FITM1: variants seen among roughly 807,000 people sequenced by gnomAD.
FITM1 encodes the protein fat storage inducing transmembrane protein 1, also known as fat storage-inducing transmembrane protein 1.
Under a neutral mutation model 22.2 loss-of-function variants are expected in FITM1, and 11 were observed. That is an observed-to-expected ratio of 0.50 (90% confidence interval 0.31 to 0.82). The LOEUF (loss-of-function observed/expected upper bound fraction) is 0.82, where lower values mean the gene tolerates loss of function less well. FITM1 is among the 40% of genes least tolerant of loss of function. FITM1 has a pLI of 0.04. For missense variants in FITM1, 394 were observed against 386.4 expected, an observed-to-expected ratio of 1.02 and a Z score of -0.17; for synonymous variants, 164 against 174.0, an observed-to-expected ratio of 0.94 and a Z score of 0.45.
chr14:24,132,747 A>T lies in FITM1; in HGVS notation c.803A>T (p.Tyr268Phe). Reference protein sequence around the residue: ...FAWYLTYGSWYHQPWSPGSPG... With the variant: ...FAWYLTYGSWFHQPWSPGSPG... ...TGGTACCTCACCTATGGCAGCTGGTATCATCAGCCCTGGTCTCCAGGGAGC... is the reference window on the plus strand; with the variant it reads ...TGGTACCTCACCTATGGCAGCTGGTTTCATCAGCCCTGGTCTCCAGGGAGC... The change falls in exon 2 of 2, where the codon TAT becomes TTT. Residue 268 changes from tyrosine (Y) to phenylalanine (F), a missense_variant. Tyr to Phe is a conservative substitution (Grantham distance 22, BLOSUM62 3). Transcript: ENST00000267426. 1 of 1,613,824 alleles carries T rather than the reference A, an allele frequency of 6.2e-7. No individual in the cohort carries two copies. Among genetic ancestry groups the T allele is most frequent in the Non-Finnish European group, 8.5e-7 (1 of 1,179,950 alleles).
rs572645994 is a variant in FITM1, at chr14:24,131,361, G to A, written c.-203G>A. On this transcript the variant is annotated 5_prime_UTR_variant, in exon 1 of 2. Coordinates refer to ENST00000267426, the MANE Select transcript of FITM1 (RefSeq NM_203402.3). ...TCAGGACACATACTACCACACACCC[G>A]AGGCCAGGACCCTGCTGACGTGGCA... 2.9e-5 allele frequency: 20 copies of A among 697,516 alleles called. No individual in the cohort carries two copies. The highest frequency in any genetic ancestry group is 7.0e-5 in the African/African-American group (4 of 57,244). 43.2% of individuals were successfully genotyped at this position (697,516 alleles called of 1,614,324 possible).
chr14:24,132,290 C>A lies in FITM1; in HGVS notation c.346C>A (p.Arg116=). Residue 116 remains arginine, a synonymous_variant, in exon 2 of 2, where the codon CGG becomes AGG. Coordinates refer to ENST00000267426, the MANE Select transcript of FITM1 (RefSeq NM_203402.3). ...GTTGCTGGTGGTGTTCCTGGCTACA[C>A]GGCGCGTGGCAGTAACTGCCAGACA... The part of the protein sequence containing the change: ...FVLLVVFLAT[R]RVAVTARHLS... 6.2e-7 allele frequency: 1 copy of A among 1,613,792 alleles called. No homozygotes were observed. The highest frequency in any genetic ancestry group is 8.5e-7 in the Non-Finnish European group (1 of 1,179,876).
At position 24,132,830 on chromosome 14, in the gene FITM1, T is replaced by G. The variant is rs763653375; in HGVS notation, c.*7T>G. ...CAGCCGCAAGCATAACTGAAAGAAA[T>G]AAAAACCATCGGGCCTGGCTGTGGC... On this transcript the variant is annotated 3_prime_UTR_variant, in exon 2 of 2. Transcript: ENST00000267426. 1.9e-6 allele frequency: 3 copies of G among 1,601,054 alleles called. No individual in the cohort carries two copies. Among genetic ancestry groups the G allele is most frequent in the East Asian group, 2.2e-5 (1 of 44,836 alleles).
chr14:24,131,570 C>T lies in FITM1; in HGVS notation c.7C>T (p.Arg3Trp), dbSNP rs533629237. The change falls in exon 1 of 2, where the codon CGG (arginine) becomes TGG (tryptophan). Residue 3 changes from arginine to tryptophan, a missense_variant. Arg to Trp is a moderately radical substitution (Grantham distance 101, BLOSUM62 -3). Transcript: ENST00000267426. MERGPVVGAGLGA... is the reference protein window; with the variant it reads MEWGPVVGAGLGA... Reference sequence around the variant, plus strand: ...AGTGGGGAGGGGAGGGAACATGGAGCGGGGGCCGGTGGTGGGGGCAGGACT... The same window carrying T: ...AGTGGGGAGGGGAGGGAACATGGAGTGGGGGCCGGTGGTGGGGGCAGGACT... 68 of 1,284,878 alleles carry T rather than the reference C, an allele frequency of 5.3e-5. No individual in the cohort carries two copies. The highest frequency in any genetic ancestry group is 2.0e-4 in the Middle Eastern group (1 of 5,048). The allele number at this position is 1,284,878 out of a possible 1,614,324, so 79.6% of individuals were successfully genotyped here. A position where few individuals can be genotyped will look rare whatever the true frequency, so the allele number is the denominator to read the frequency against.
rs545672463 is a variant in FITM1 at position 24,131,153 on chromosome 14, G to A, written c.-411G>A. On this transcript the variant is annotated 5_prime_UTR_variant, in exon 1 of 2. Coordinates refer to ENST00000267426, the MANE Select transcript of FITM1 (RefSeq NM_203402.3). Reference sequence around the variant, plus strand: ...TTTTAAAAAACGACTTTCAAGGTTTGGTTATTTTTATCTCCATGACCTCTG... The same window carrying A: ...TTTTAAAAAACGACTTTCAAGGTTTAGTTATTTTTATCTCCATGACCTCTG... 5.7e-6 allele frequency: 3 copies of A among 528,180 alleles called. No homozygotes were observed. The highest frequency in any genetic ancestry group is 7.1e-5 in the Admixed American group (2 of 28,014). The allele number at this position is 528,180 out of a possible 1,614,324, so 32.7% of individuals were successfully genotyped here.
At position 24,132,594 on chromosome 14, in the gene FITM1, C is replaced by G; in HGVS notation, c.650C>G (p.Pro217Arg). The G allele has an allele frequency of 6.2e-7, 1 of 1,611,078 alleles. No homozygotes were observed. The highest frequency in any genetic ancestry group is 8.5e-7 in the Non-Finnish European group (1 of 1,180,028). ...GCCCATGGGCTTCCTGCCGGCGCCC[C>G]ACTGCGCCTTGTCTTCCTGCTGAAC... ...YLAHGLPAGA[P>R]LRLVFLLNVL... is the part of the protein sequence containing the mutation. The change falls in exon 2 of 2, where the codon CCA becomes CGA. Residue 217 changes from proline (P) to arginine (R), a missense_variant. Physicochemically the swap from Pro to Arg is moderately radical, Grantham distance 103 (BLOSUM62 -2). Transcript: ENST00000267426.
At chr14:24,131,961 G>C in intron 1 of FITM1, 132 bp downstream of exon 1, 1 of 1,382,852 alleles carries the variant, frequency 7.2e-7, no homozygotes, top group South Asian at 1.5e-5. Context: ...GGTCGGGGGA[G>C]GGGGAAGGGA....
rs759885341 is a variant in FITM1 at position 24,132,697 on chromosome 14, G to A, written c.753G>A (p.Val251=). 1.7e-5 allele frequency: 28 copies of A among 1,613,968 alleles called. 1 individual carries two copies. The Middle Eastern group carries it at 8.2e-4, about 48-fold the overall frequency. ...TCCACCAGTACACTCACAAGGTGGT[G>A]GGCGCCGCAGTGGGCACCTTTGCCT... The part of the protein sequence containing the change: ...IYFHQYTHKV[V]GAAVGTFAWY... Residue 251 remains valine, a synonymous_variant, in exon 2 of 2, where the codon GTG becomes GTA. Transcript: ENST00000267426.
chr14:24,132,703 C>T lies in FITM1; in HGVS notation c.759C>T (p.Ala253=), dbSNP rs148679814. Residue 253 remains alanine, a synonymous_variant, in exon 2 of 2, where the codon GCC becomes GCT. Transcript: ENST00000267426. ...AGTACACTCACAAGGTGGTGGGCGC[C>T]GCAGTGGGCACCTTTGCCTGGTACC... ...FHQYTHKVVG[A]AVGTFAWYLT... 3,382 of 1,613,932 alleles carry T rather than the reference C, an allele frequency of 2.1e-3. 56 individuals carry two copies. In the African/African-American group the frequency reaches 0.041, roughly 20 times the overall value.
In FITM1 at chr14:24,131,203, A is replaced by C. The variant is rs931081468; in HGVS notation, c.-361A>C. The C allele has an allele frequency of 1.8e-6, 1 of 548,256 alleles. No individual in the cohort carries two copies. Among genetic ancestry groups the C allele is most frequent in the African/African-American group, 1.9e-5 (1 of 52,518 alleles). 34.0% of individuals were successfully genotyped at this position (548,256 alleles called of 1,614,324 possible). A position where few individuals can be genotyped will look rare whatever the true frequency, so the allele number is the denominator to read the frequency against. ...GATTTCCCTGTGGAGCAAATGGTAA[A>C]GTAGGGGTGGGTGGAGAGGGACTTT... On this transcript the variant is annotated 5_prime_UTR_variant, in exon 1 of 2. Coordinates refer to ENST00000267426, the MANE Select transcript of FITM1 (RefSeq NM_203402.3).
rs2139034686 is a variant in FITM1, at chr14:24,131,595, T to C, written c.32T>C (p.Leu11Pro). Reference protein sequence around the residue: MERGPVVGAGLGAGARIQALL... With the variant: MERGPVVGAGPGAGARIQALL... ...CGGGGGCCGGTGGTGGGGGCAGGAC[T>C]GGGGGCCGGGGCCCGAATCCAGGCA... Residue 11 changes from leucine to proline, a missense_variant, in exon 1 of 2, where the codon CTG becomes CCG. Physicochemically the swap from Leu to Pro is moderately conservative, Grantham distance 98 (BLOSUM62 -3). Coordinates refer to ENST00000267426, the MANE Select transcript of FITM1 (RefSeq NM_203402.3). 1 of 1,438,980 alleles carries C rather than the reference T, an allele frequency of 6.9e-7. No individual in the cohort carries two copies. The highest frequency in any genetic ancestry group is 9.7e-7 in the Non-Finnish European group (1 of 1,030,534). The allele number at this position is 1,438,980 out of a possible 1,614,324, so 89.1% of individuals were successfully genotyped here.
rs759899151 is a variant in FITM1 at position 24,131,448 on chromosome 14, G to C, written c.-116G>C. On this transcript the variant is annotated 5_prime_UTR_variant, in exon 1 of 2. Transcript: ENST00000267426. The stretch of plus-strand genomic sequence containing the variant: ...CTCCCCCACCTGCCAGCTGCCAACA[G>C]GGCTCTGCCTTGTGTCTGCCACACC... 12 of 1,057,264 alleles carry C rather than the reference G, an allele frequency of 1.1e-5. No individual in the cohort carries two copies. Among genetic ancestry groups the C allele is most frequent in the Non-Finnish European group, 1.7e-5 (12 of 709,320 alleles). The allele number at this position is 1,057,264 out of a possible 1,614,324, so 65.5% of individuals were successfully genotyped here. A position where few individuals can be genotyped will look rare whatever the true frequency, so the allele number is the denominator to read the frequency against.
Position 24,131,172 on chromosome 14 carries a change from A to T in FITM1, c.-392A>T. 1.9e-6 allele frequency: 1 copy of T among 537,296 alleles called. No homozygotes were observed. Among genetic ancestry groups the T allele is most frequent in the Non-Finnish European group, 3.3e-6 (1 of 303,492 alleles). The allele number at this position is 537,296 out of a possible 1,614,324, so 33.3% of individuals were successfully genotyped here. ...AGGTTTGGTTATTTTTATCTCCATG[A>T]CCTCTGATTTCCCTGTGGAGCAAAT... On this transcript the variant is annotated 5_prime_UTR_variant, in exon 1 of 2. Transcript: ENST00000267426.
chr14:24,131,630 T>C lies in FITM1; in HGVS notation c.67T>C (p.Cys23Arg), dbSNP rs767534007. 9 of 1,612,422 alleles carry C rather than the reference T, an allele frequency of 5.6e-6. No individual in the cohort carries two copies. The highest frequency in any genetic ancestry group is 1.7e-6 in the Non-Finnish European group (2 of 1,179,420). ...GGCCCGAATCCAGGCACTGCTGGGC[T>C]GCCTGCTCAAGGTGCTGCTCTGGGT... is the stretch of plus-strand genomic sequence containing the variant. ...AGARIQALLG[C>R]LLKVLLWVAS... The change falls in exon 1 of 2, where the codon TGC becomes CGC. Residue 23 changes from cysteine to arginine, a missense_variant. Coordinates refer to ENST00000267426, the MANE Select transcript of FITM1 (RefSeq NM_203402.3).
rs750521739 is a variant in FITM1, at chr14:24,131,577, C to A, written c.14C>A (p.Pro5Gln). The A allele has an allele frequency of 5.1e-6, 7 of 1,365,944 alleles. No homozygotes were observed. Among genetic ancestry groups the A allele is most frequent in the Non-Finnish European group, 6.1e-6 (6 of 982,230 alleles). 84.6% of individuals were successfully genotyped at this position (1,365,944 alleles called of 1,614,324 possible). Residue 5 changes from proline (P) to glutamine (Q), a missense_variant, in exon 1 of 2, where the codon CCG becomes CAG. Transcript: ENST00000267426. MERG[P>Q]VVGAGLGAGA... Reference sequence around the variant, plus strand: ...AGGGGAGGGAACATGGAGCGGGGGCCGGTGGTGGGGGCAGGACTGGGGGCC... The same window carrying A: ...AGGGGAGGGAACATGGAGCGGGGGCAGGTGGTGGGGGCAGGACTGGGGGCC...
At position 24,131,687 on chromosome 14, in the gene FITM1, C is replaced by T. The variant is rs1366366929; in HGVS notation, c.124C>T (p.Gln42Ter). The change falls in exon 1 of 2, where the codon CAG (glutamine) becomes TAG (stop). Residue 42 changes from glutamine (Q) to a stop codon, truncating the protein, a stop_gained. Transcript: ENST00000267426. LOFTEE classifies it high-confidence loss of function. ...TGCCTTGCTGTACTTTGGAAGCGAACAGGCCGCCCGCCTTCTGGGCAGCCC... is the reference window on the plus strand; with the variant it reads ...TGCCTTGCTGTACTTTGGAAGCGAATAGGCCGCCCGCCTTCTGGGCAGCCC... Reference protein sequence around the residue: ...ASALLYFGSEQAARLLGSPCL... With the variant: ...ASALLYFGSE The T allele has an allele frequency of 1.2e-6, 2 of 1,614,128 alleles. No homozygotes were observed. Among genetic ancestry groups the T allele is most frequent in the African/African-American group, 1.3e-5 (1 of 75,058 alleles).
chr14:24,132,004 C>T, intron 1 of FITM1, 175 bp downstream of exon 1: 2 of 1,227,404 alleles, frequency 1.6e-6, no homozygotes, highest in South Asian at 1.6e-5. Context: ...AAGTTGGGAA[C>T]AGGACTAAAG....
At position 24,132,326 on chromosome 14, in the gene FITM1, C is replaced by A. The variant is rs1206594563; in HGVS notation, c.382C>A (p.Leu128Met). The change falls in exon 2 of 2, where the codon CTG becomes ATG. Residue 128 changes from leucine (L) to methionine (M), a missense_variant. Physicochemically the swap from Leu to Met is conservative, Grantham distance 15. Coordinates refer to ENST00000267426, the MANE Select transcript of FITM1 (RefSeq NM_203402.3). ...AGTAACTGCCAGACACCTGAGCCGACTGGTAGTAGGGGCAGCCGTGTGGCG... is the reference window on the plus strand; with the variant it reads ...AGTAACTGCCAGACACCTGAGCCGAATGGTAGTAGGGGCAGCCGTGTGGCG... ...VAVTARHLSR[L>M]VVGAAVWRGA... 6.2e-6 allele frequency: 10 copies of A among 1,613,998 alleles called. No homozygotes were observed. The highest frequency in any genetic ancestry group is 8.5e-6 in the Non-Finnish European group (10 of 1,179,994).
At position 24,132,790 on chromosome 14, in the gene FITM1, C is replaced by A. The variant is rs1225802562; in HGVS notation, c.846C>A (p.Phe282Leu). The A allele has an allele frequency of 1.9e-6, 3 of 1,611,926 alleles. No individual in the cohort carries two copies. The highest frequency in any genetic ancestry group is 1.7e-5 in the Admixed American group (1 of 59,466). ...WSPGSPGHGL[F>L]PRPHSSRKHN ...CAGGGAGCCCAGGCCATGGGCTCTT[C>A]CCCCGTCCCCACTCCAGCCGCAAGC... is the stretch of plus-strand genomic sequence containing the variant. The change falls in exon 2 of 2, where the codon TTC becomes TTA. Residue 282 changes from phenylalanine to leucine, a missense_variant. Transcript: ENST00000267426.
Sources: gnomAD v4.1 joint callset for allele counts on GRCh38, gnomAD v4.1.1 for gene constraint, MANE v1.5 for transcripts, NCBI Gene and HGNC (gene_info 2026-07-23, HGNC 2026-07-21) for gene names.